Variants in LUZP2 observed in about 807,000 individuals in gnomAD.
The protein encoded by LUZP2 is leucine zipper protein 2.
A neutral mutation model predicts 51.6 loss-of-function variants in LUZP2; 52 were observed. That is an observed-to-expected ratio of 1.01 (90% CI 0.81 to 1.27). The LOEUF is 1.27. Among genes scored for constraint, LUZP2 ranks in the 50% most tolerant of loss-of-function variants. LUZP2 has a pLI of 0.00. For missense variants in LUZP2, 436 were observed against 395.4 expected, an observed-to-expected ratio of 1.10 and a Z score of -0.87; for synonymous variants, 154 against 137.3, an observed-to-expected ratio of 1.12 and a Z score of -0.85.
At chr11:24,842,933 G>A (rs1480190855) in intron 5 of LUZP2, among the ~76,000 whole-genome samples, 1 of 151,598 alleles carries the variant, frequency 6.6e-6, no homozygotes, top group African/African-American at 2.4e-5. Context: ...ATAAATTGTT[G>A]AAACAGAAAG....
chr11:24,559,340 T>C (rs1434040469), intron 1 of LUZP2, among the ~76,000 whole-genome samples: 3 of 152,216 alleles, frequency 2.0e-5, no homozygotes, highest in East Asian at 1.9e-4. Context: ...TCATTCACAA[T>C]AGAAAGTGAA....
At chr11:24,838,351 C>T (rs1370575711) in intron 5 of LUZP2, among the ~76,000 whole-genome samples, 1 of 151,490 alleles carries the variant, frequency 6.6e-6, no homozygotes, top group Non-Finnish European at 1.5e-5. Flanking sequence ...AGATGTGTCT[C>T]AGTTTATCTT....
intron 10 of LUZP2, among the ~76,000 whole-genome samples, chr11:25,055,186 T>G (rs1858646059): frequency 6.6e-6 from 1 of 151,824 alleles, no homozygotes; most frequent in African/African-American, 2.4e-5. Flanking sequence ...AATTTTTGTA[T>G]TTTTAGTAGA....
intron 7 of LUZP2, among the ~76,000 whole-genome samples, chr11:24,923,302 A>ACCC (rs1854129117): frequency 6.6e-6 from 1 of 152,160 alleles, no homozygotes; most frequent in Non-Finnish European, 1.5e-5. Flanking sequence ...GAAAAATCAA[A>ACCC]ATCTTCGGTC....
intron 9 of LUZP2, among the ~76,000 whole-genome samples, chr11:25,035,578 A>G (rs775804837): frequency 6.6e-6 from 1 of 152,128 alleles, no homozygotes; most frequent in Non-Finnish European, 1.5e-5. Context: ...CTCATTGTTT[A>G]GAAGAATCAA....
At chr11:24,504,385 A>G (rs1214549565) in intron 1 of LUZP2, among the ~76,000 whole-genome samples, 2 of 152,208 alleles carry the variant, frequency 1.3e-5, no homozygotes, top group African/African-American at 4.8e-5. Context: ...GTGATGATGT[A>G]GTTATAGATA....
chr11:24,663,382 AG>A (rs879428283), intron 1 of LUZP2, among the ~76,000 whole-genome samples: 1 of 152,084 alleles, frequency 6.6e-6, no homozygotes, highest in Non-Finnish European at 1.5e-5. Context: ...CATGACTGCA[AG>A]TTTCCTGAGG....
intron 1 of LUZP2, among the ~76,000 whole-genome samples, chr11:24,678,247 C>A (rs769098532): frequency 6.6e-6 from 1 of 151,964 alleles, no homozygotes; most frequent in African/African-American, 2.4e-5. Flanking sequence ...CCATTCAATA[C>A]GTTTTTGTAT....
chr11:24,581,838 T>C (rs1195357693), intron 1 of LUZP2, among the ~76,000 whole-genome samples: 1 of 152,136 alleles, frequency 6.6e-6, no homozygotes, highest in East Asian at 1.9e-4. Flanking sequence ...TTATGTGCTA[T>C]CAAATCATCT....
At chr11:24,764,600 G>T (rs944869185) in intron 5 of LUZP2, among the ~76,000 whole-genome samples, 5 of 151,782 alleles carry the variant, frequency 3.3e-5, no homozygotes, top group African/African-American at 1.2e-4. Context: ...AGAGGTCGAG[G>T]TTGCAGTGAA....
intron 5 of LUZP2, among the ~76,000 whole-genome samples, chr11:24,803,588 T>C (rs1849759836): frequency 6.6e-6 from 1 of 152,060 alleles, no homozygotes; most frequent in African/African-American, 2.4e-5. Flanking sequence ...CAAGTGTCCA[T>C]TGACAGATGA....
intron 1 of LUZP2, among the ~76,000 whole-genome samples, chr11:24,621,299 T>C (rs1005907246): frequency 5.9e-5 from 9 of 152,252 alleles, no homozygotes; most frequent in African/African-American, 2.2e-4. Context: ...ACTAACCTGC[T>C]AAGGTCACAT....
At position 24,983,266 on chromosome 11, in the gene LUZP2, G is replaced by A. The variant is rs780628500; in HGVS notation, c.738G>A (p.Lys246=). The part of the protein sequence containing the change: ...MLLPPRNIAS[K]LPDAAAKSKP... ...TCCCACCCAGGAATATTGCCTCTAA[G>A]CTTCCAGATGCAGCGGCCAAAAGCA... is the stretch of plus-strand genomic sequence containing the variant. Residue 246 remains lysine (K), a synonymous_variant, in exon 9 of 12, where the codon AAG becomes AAA. Transcript: ENST00000336930. 2 of 1,611,770 alleles carry A rather than the reference G, an allele frequency of 1.2e-6. No homozygotes were observed. Among genetic ancestry groups the A allele is most frequent in the South Asian group, 2.2e-5 (2 of 90,992 alleles).
chr11:24,497,718 A>C (rs375182609), intron 1 of LUZP2, among the ~76,000 whole-genome samples: 3 of 152,120 alleles, frequency 2.0e-5, no homozygotes, highest in African/African-American at 7.2e-5. Context: ...CCCTTCCCCC[A>C]AGTGTGCCTG....
In LUZP2 at chr11:24,785,759, T is replaced by G. The variant is rs1849228498; in HGVS notation, c.396+22451T>G. The G allele has an allele frequency of 1.2e-5, 6 of 493,274 alleles. No homozygotes were observed. The South Asian group carries it at 5.3e-4, about 43-fold the overall frequency. The allele number at this position is 493,274 out of a possible 1,614,324, so 30.6% of individuals were successfully genotyped here. A position where few individuals can be genotyped will look rare whatever the true frequency, so the allele number is the denominator to read the frequency against. Reference sequence around the variant, plus strand: ...GCTACATATGTGCTATTATATAAACTGTTAGAGACAGAAGAGATGTCAGAC... The same window carrying G: ...GCTACATATGTGCTATTATATAAACGGTTAGAGACAGAAGAGATGTCAGAC... On this transcript the variant is annotated intron_variant, in intron 5 of 11. Coordinates refer to ENST00000336930, the MANE Select transcript of LUZP2 (RefSeq NM_001009909.4).
At chr11:24,601,988 GTGTATATATGTA>G (rs1565019905) in intron 1 of LUZP2, among the ~76,000 whole-genome samples, 1 of 65,712 alleles carries the variant, frequency 1.5e-5, no homozygotes, top group African/African-American at 7.4e-5. Context: ...GTATATATAT[GTGTATATATGTA>G]TATATATGTA....
At position 24,512,558 on chromosome 11, in the gene LUZP2, A is replaced by G. The variant is rs540966225; in HGVS notation, c.62+15253A>G. 2.0e-5 allele frequency among the ~76,000 whole-genome samples: 3 copies of G among 152,262 alleles called. No individual in the cohort carries two copies. The South Asian group carries it at 6.2e-4, about 32-fold the overall frequency. On this transcript the variant is annotated intron_variant, in intron 1 of 11. Transcript: ENST00000336930. Reference sequence around the variant, plus strand: ...TTTTTCAGAAAAATGACAAATGAATAATTATGGTACTTTTTATTTCAAATA... The same window carrying G: ...TTTTTCAGAAAAATGACAAATGAATGATTATGGTACTTTTTATTTCAAATA...
At chr11:24,586,101 G>T (rs182582128) in intron 1 of LUZP2, among the ~76,000 whole-genome samples, 15 of 152,030 alleles carry the variant, frequency 9.9e-5, no homozygotes, top group African/African-American at 3.6e-4. Context: ...TAAAAGAGAG[G>T]CCAAACCACA....
chr11:24,757,676 G>A (rs1409130450), intron 4 of LUZP2, among the ~76,000 whole-genome samples: 1 of 151,702 alleles, frequency 6.6e-6, no homozygotes, highest in Non-Finnish European at 1.5e-5. Flanking sequence ...AAAAGATTAT[G>A]CTAAAGAAAA....
Sources: allele counts gnomAD v4.1 joint callset (sites outside exome capture counted in the v4.1 genomes callset), GRCh38; gene constraint gnomAD v4.1.1; transcripts MANE v1.5; gene names NCBI Gene and HGNC (gene_info 2026-07-23, HGNC 2026-07-21).